Variants in SNTG2 observed in about 807,000 individuals in gnomAD.
The protein encoded by SNTG2 is gamma-2-syntrophin.
A neutral mutation model predicts 70.9 loss-of-function variants in SNTG2; 74 were observed. The observed-to-expected ratio is 1.04, with a 90% CI of 0.86 to 1.27. The LOEUF (loss-of-function observed/expected upper bound fraction) is 1.27, where lower values mean the gene tolerates loss of function less well. Ranked by LOEUF, SNTG2 falls within the 50% of genes most tolerant of loss-of-function variation. The probability of loss-of-function intolerance (pLI) is 0.00; values close to 1 mark genes in which losing one functional copy is unlikely to be tolerated. For synonymous variants in SNTG2, 278 were observed against 273.8 expected, an observed-to-expected ratio of 1.02 and a Z score of -0.15; for missense variants, 717 against 690.7, an observed-to-expected ratio of 1.04 and a Z score of -0.43.
intron 2 of SNTG2, among the ~76,000 whole-genome samples, chr2:1,096,756 T>C (rs1277167566): frequency 1.3e-5 from 2 of 152,190 alleles, no homozygotes; most frequent in African/African-American, 4.8e-5. Context: ...ATATCTTGGC[T>C]GTTGTCAGTA....
intron 1 of SNTG2, among the ~76,000 whole-genome samples, chr2:1,027,181 G>C (rs533178579): frequency 6.6e-6 from 1 of 152,194 alleles, no homozygotes; most frequent in African/African-American, 2.4e-5. Context: ...GATCTCGTCT[G>C]CTTGTTTCCT....
At chr2:1,098,918 A>G (rs993513937) in intron 4 of SNTG2, among the ~76,000 whole-genome samples, 2 of 152,208 alleles carry the variant, frequency 1.3e-5, no homozygotes, top group Non-Finnish European at 2.9e-5. Context: ...CTGAAATGAA[A>G]CACTGGCTAT....
At chr2:1,143,795 C>T (rs917140969) in intron 6 of SNTG2, among the ~76,000 whole-genome samples, 5 of 150,770 alleles carry the variant, frequency 3.3e-5, no homozygotes, top group Admixed American at 6.6e-5. Context: ...ATTGCTTGAG[C>T]CCGGGAGGCA....
At chr2:1,195,423 C>T (rs374442351) in intron 8 of SNTG2, among the ~76,000 whole-genome samples, 1 of 152,166 alleles carries the variant, frequency 6.6e-6, no homozygotes, top group Non-Finnish European at 1.5e-5. Flanking sequence ...TTCCAACTGA[C>T]ATGAGATGGT....
chr2:1,217,732 C>T (rs1456794405), intron 9 of SNTG2, among the ~76,000 whole-genome samples: 1 of 152,220 alleles, frequency 6.6e-6, no homozygotes, highest in African/African-American at 2.4e-5. Flanking sequence ...GTCTGTTATG[C>T]AGACATTTCT....
intron 1 of SNTG2, among the ~76,000 whole-genome samples, chr2:1,070,461 C>G (rs1663458470): frequency 6.6e-6 from 1 of 152,130 alleles, no homozygotes; most frequent in Non-Finnish European, 1.5e-5. Flanking sequence ...TGCTCATGAG[C>G]TTCTTAGCAG....
intron 8 of SNTG2, among the ~76,000 whole-genome samples, chr2:1,200,391 G>A (rs915425738): frequency 3.3e-5 from 5 of 152,018 alleles, no homozygotes; most frequent in Admixed American, 1.3e-4. Flanking sequence ...AAGCTTAAAC[G>A]TGAGATCCAA....
At chr2:1,198,015 T>C (rs1292870042) in intron 8 of SNTG2, among the ~76,000 whole-genome samples, 2 of 152,130 alleles carry the variant, frequency 1.3e-5, no homozygotes, top group East Asian at 3.8e-4. Flanking sequence ...CTAACAGATA[T>C]TTACAGAATT....
At chr2:1,186,906 A>T (rs1672286946) in intron 8 of SNTG2, among the ~76,000 whole-genome samples, 1 of 152,256 alleles carries the variant, frequency 6.6e-6, no homozygotes, top group Non-Finnish European at 1.5e-5. Flanking sequence ...AGATATTATA[A>T]ATATTTAAAC....
chr2:1,091,131 G>T (rs891340964), intron 2 of SNTG2, among the ~76,000 whole-genome samples: 1 of 152,108 alleles, frequency 6.6e-6, no homozygotes, highest in Admixed American at 6.6e-5. Flanking sequence ...AGGCCCATTC[G>T]CATCTGTGAC....
chr2:1,140,344 C>T (rs1227664089), intron 6 of SNTG2, among the ~76,000 whole-genome samples: 1 of 152,246 alleles, frequency 6.6e-6, no homozygotes, highest in Admixed American at 6.5e-5. Flanking sequence ...AATACTGTAG[C>T]CAGCTACAGC....
rs142759771 is a variant in SNTG2 at position 1,064,099 on chromosome 2, A to G, written c.73-19419A>G. 2.6e-5 allele frequency among the ~76,000 whole-genome samples: 4 copies of G among 152,332 alleles called. No individual in the cohort carries two copies. In the East Asian group the frequency reaches 5.8e-4, roughly 22 times the overall value. On this transcript the variant is annotated intron_variant, in intron 1 of 16. Transcript: ENST00000308624. ...TTTAAAAAGACAGCCAACTTCTTAG[A>G]AACAACAGGGGCGAGAAGAAAATAG... is the stretch of plus-strand genomic sequence containing the variant.
intron 16 of SNTG2, among the ~76,000 whole-genome samples, chr2:1,354,058 G>A (rs1244547377): frequency 6.6e-6 from 1 of 152,224 alleles, no homozygotes; most frequent in African/African-American, 2.4e-5. Context: ...AATTCAGGGT[G>A]TTAAAGCACT....
intron 15 of SNTG2, among the ~76,000 whole-genome samples, chr2:1,315,398 G>A (rs550611942): frequency 2.0e-5 from 3 of 152,014 alleles, no homozygotes; most frequent in Admixed American, 2.0e-4. Context: ...CAGCCCCTTT[G>A]TCTCTCCTGA....
intron 16 of SNTG2, among the ~76,000 whole-genome samples, chr2:1,351,339 GA>G (rs1482507755): frequency 1.3e-5 from 2 of 152,102 alleles, no homozygotes; most frequent in Admixed American, 6.5e-5. Context: ...CTTCTGGCAA[GA>G]TAATAATGCT....
At chr2:1,233,788 A>G (rs1676421707) in intron 9 of SNTG2, among the ~76,000 whole-genome samples, 1 of 152,166 alleles carries the variant, frequency 6.6e-6, no homozygotes, top group African/African-American at 2.4e-5. Context: ...AAAATTCTCT[A>G]AGGGCACGAG....
chr2:1,254,646 A>G (rs1474032638), intron 12 of SNTG2, among the ~76,000 whole-genome samples: 2 of 152,238 alleles, frequency 1.3e-5, no homozygotes, highest in Admixed American at 1.3e-4. Flanking sequence ...TCATTGTTCT[A>G]TGATAACAGT....
At chr2:1,252,938 T>C (rs975260757) in intron 12 of SNTG2, among the ~76,000 whole-genome samples, 1 of 152,234 alleles carries the variant, frequency 6.6e-6, no homozygotes, top group Non-Finnish European at 1.5e-5. Context: ...TGGCCTGACA[T>C]TTTATATCCT....
intron 6 of SNTG2, among the ~76,000 whole-genome samples, chr2:1,146,165 C>A (rs2147790188): frequency 6.6e-6 from 1 of 152,224 alleles, no homozygotes; most frequent in African/African-American, 2.4e-5. Flanking sequence ...CTCTTCTCAT[C>A]AGTTCTTTTC....
Sources: allele counts gnomAD v4.1 joint callset (sites outside exome capture counted in the v4.1 genomes callset), GRCh38; gene constraint gnomAD v4.1.1; transcripts MANE v1.5; gene names NCBI Gene and HGNC (gene_info 2026-07-23, HGNC 2026-07-21).